The following MOB3B variants were observed in gnomAD, a reference collection of about 807,000 sequenced individuals.
MOB3B encodes the protein MOB kinase activator 3B, also known as MOB kinase activator-like 2B.
Under a neutral mutation model 18.7 loss-of-function variants are expected in MOB3B, and 7 were observed. The ratio of observed to expected loss-of-function variants is 0.37; its 90% CI spans 0.21 to 0.70. The LOEUF is 0.70. Ranked by LOEUF, MOB3B falls within the 30% of genes least tolerant of loss-of-function variation. MOB3B has a pLI of 0.52. For synonymous variants in MOB3B, 111 were observed against 99.9 expected, an observed-to-expected ratio of 1.11 and a Z score of -0.66; for missense variants, 253 against 281.3, an observed-to-expected ratio of 0.90 and a Z score of 0.72.
At chr9:27,480,813 G>GA (rs1322854623) in intron 1 of MOB3B, among the ~76,000 whole-genome samples, 3 of 151,724 alleles carry the variant, frequency 2.0e-5, no homozygotes, top group East Asian at 1.9e-4. Flanking sequence ...GACAAAATAT[G>GA]AAAAAAAGAA....
chr9:27,426,559 C>G (rs534011178), intron 2 of MOB3B, among the ~76,000 whole-genome samples: 125 of 152,312 alleles, frequency 8.2e-4, no homozygotes, highest in Non-Finnish European at 1.5e-3. Flanking sequence ...TTCTGAAGCT[C>G]GCTCCAGAGC....
At chr9:27,332,020 G>C (rs1219091245) in intron 3 of MOB3B, among the ~76,000 whole-genome samples, 1 of 151,852 alleles carries the variant, frequency 6.6e-6, no homozygotes, top group Non-Finnish European at 1.5e-5. Context: ...TAATTTTTTC[G>C]ACAGGATCTT....
At chr9:27,505,103 A>C (rs1342537837) in intron 1 of MOB3B, among the ~76,000 whole-genome samples, 1 of 152,246 alleles carries the variant, frequency 6.6e-6, no homozygotes, top group African/African-American at 2.4e-5. Flanking sequence ...TTCTTTTGGC[A>C]TGTAAGATAA....
chr9:27,526,103 T>C (rs893546078), intron 1 of MOB3B: 1 of 152,242 alleles, frequency 6.6e-6, no homozygotes, highest in Non-Finnish European at 1.5e-5. Flanking sequence ...GGTTCTGCCC[T>C]TGGAAGCCAT....
At chr9:27,380,991 C>T (rs921681034) in intron 2 of MOB3B, among the ~76,000 whole-genome samples, 3 of 152,142 alleles carry the variant, frequency 2.0e-5, no homozygotes, top group Admixed American at 2.0e-4. Flanking sequence ...AGTTCACTAC[C>T]TCTCACTGGG....
chr9:27,481,580 C>CA, intron 1 of MOB3B, among the ~76,000 whole-genome samples: 1 of 136,746 alleles, frequency 7.3e-6, no homozygotes, highest in Non-Finnish European at 1.5e-5. Flanking sequence ...TGCAGGAGTA[C>CA]AGTGGCGTGA....
intron 1 of MOB3B, among the ~76,000 whole-genome samples, chr9:27,489,569 G>A (rs1294415857): frequency 6.6e-6 from 1 of 152,106 alleles, no homozygotes; most frequent in African/African-American, 2.4e-5. Flanking sequence ...TGCCTGTGAT[G>A]GAGGTGGTGA....
At chr9:27,361,319 C>G (rs10967909) in intron 2 of MOB3B, among the ~76,000 whole-genome samples, 27,452 of 152,078 alleles carry the variant, frequency 0.18, 4,253 homozygotes, top group African/African-American at 0.42. Context: ...GCTCTCTCTT[C>G]CCAGGTTAGA....
intron 1 of MOB3B, among the ~76,000 whole-genome samples, chr9:27,514,964 G>T (rs4609281): frequency 0.64 from 97,641 of 152,010 alleles, 32,368 homozygotes; most frequent in Non-Finnish European, 0.71. Context: ...GCCCACAGGA[G>T]AAATTCCTCC....
At chr9:27,457,416 CTG>C (rs1475363794) in intron 1 of MOB3B, among the ~76,000 whole-genome samples, 1 of 152,228 alleles carries the variant, frequency 6.6e-6, no homozygotes, top group Non-Finnish European at 1.5e-5. Flanking sequence ...ATCCCACTAA[CTG>C]TTTTTTCCCT....
intron 1 of MOB3B, among the ~76,000 whole-genome samples, 180 bp from the exon 2 acceptor site, chr9:27,455,928 A>C (rs1294299026): frequency 2.6e-5 from 4 of 152,194 alleles, no homozygotes; most frequent in African/African-American, 9.7e-5. Flanking sequence ...CCATGCAAAT[A>C]ACTAAAGAAG....
At chr9:27,348,510 G>A (rs569734004) in intron 3 of MOB3B, among the ~76,000 whole-genome samples, 111 of 151,934 alleles carry the variant, frequency 7.3e-4, no homozygotes, top group African/African-American at 2.2e-3. Flanking sequence ...AAAATTATCC[G>A]GGCATAGTAG....
At chr9:27,369,882 A>G (rs1418312670) in intron 2 of MOB3B, among the ~76,000 whole-genome samples, 1 of 151,208 alleles carries the variant, frequency 6.6e-6, no homozygotes, top group Non-Finnish European at 1.5e-5. Flanking sequence ...TAGGCATATC[A>G]TAACACCCGC....
intron 1 of MOB3B, among the ~76,000 whole-genome samples, chr9:27,513,715 C>A (rs1052124881): frequency 1.3e-5 from 2 of 152,224 alleles, no homozygotes. Flanking sequence ...CCATCACCTC[C>A]CCGAGTTACC....
chr9:27,448,448 G>C (rs150290762), intron 2 of MOB3B, among the ~76,000 whole-genome samples: 4 of 152,156 alleles, frequency 2.6e-5, no homozygotes, highest in Non-Finnish European at 4.4e-5. Context: ...AAAGCAAAAG[G>C]CACGTCTTAC....
chr9:27,387,545 T>C (rs969666927), intron 2 of MOB3B, among the ~76,000 whole-genome samples: 3 of 152,232 alleles, frequency 2.0e-5, no homozygotes, highest in African/African-American at 7.2e-5. Context: ...TTAGACTATG[T>C]ATGGCAAATT....
intron 3 of MOB3B, among the ~76,000 whole-genome samples, chr9:27,342,668 T>G (rs144619077): frequency 0.017 from 2,660 of 152,284 alleles, 63 homozygotes; most frequent in African/African-American, 0.058. Context: ...GGGTTTCGCC[T>G]TGTTGGCCGG....
chr9:27,350,384 A>G lies in MOB3B; in HGVS notation c.621+8650T>C, dbSNP rs184741626. Among the ~76,000 whole-genome samples, 320 of 152,240 alleles carry G rather than the reference A, an allele frequency of 2.1e-3. 1 individual carries two copies. The highest frequency in any genetic ancestry group is 3.2e-3 in the Non-Finnish European group (218 of 68,020). On this transcript the variant is annotated intron_variant, in intron 3 of 3. Coordinates refer to ENST00000262244, the MANE Select transcript of MOB3B (RefSeq NM_024761.5). ...TATCCTGCTTTTATTACTTAATATTATATGCTAGCAATTTTCCCATGAGAG... is the reference window on the plus strand; with the variant it reads ...TATCCTGCTTTTATTACTTAATATTGTATGCTAGCAATTTTCCCATGAGAG...
intron 2 of MOB3B, among the ~76,000 whole-genome samples, chr9:27,389,386 C>T (rs1024755955): frequency 3.4e-5 from 5 of 148,102 alleles, no homozygotes; most frequent in African/African-American, 1.0e-4. Context: ...TTTCTGATTA[C>T]GCTGCAGCCA....
Sources: allele counts gnomAD v4.1 joint callset (sites outside exome capture counted in the v4.1 genomes callset), GRCh38; gene constraint gnomAD v4.1.1; transcripts MANE v1.5; gene names NCBI Gene and HGNC (gene_info 2026-07-23, HGNC 2026-07-21).